TMEM11: variants seen among roughly 807,000 people sequenced by gnomAD.
The protein encoded by TMEM11 is transmembrane protein 11, mitochondrial.
TMEM11 carries 1 observed loss-of-function variant against 17.0 expected under a neutral mutation model. The ratio of observed to expected loss-of-function variants is 0.06; its 90% CI spans 0.02 to 0.28. TMEM11 has a LOEUF of 0.28. Among genes scored for constraint, TMEM11 ranks in the 10% least tolerant of loss-of-function variants. The pLI is 1.00. For synonymous variants in TMEM11, 122 were observed against 118.1 expected, an observed-to-expected ratio of 1.03 and a Z score of -0.21; for missense variants, 172 against 252.9, an observed-to-expected ratio of 0.68 and a Z score of 2.17.
At chr17:21,199,126 C>T (rs547799016) in intron 1 of TMEM11, among the ~76,000 whole-genome samples, 74 of 149,900 alleles carry the variant, frequency 4.9e-4, no homozygotes, top group African/African-American at 1.6e-3. Flanking sequence ...AGAGACCAGC[C>T]TGGCCAACAT....
chr17:21,209,752 G>C (rs1226289775), intron 1 of TMEM11, among the ~76,000 whole-genome samples: 1 of 152,184 alleles, frequency 6.6e-6, no homozygotes, highest in Non-Finnish European at 1.5e-5. Flanking sequence ...CTGGGTGACA[G>C]AGCCAGACCT....
intron 1 of TMEM11, among the ~76,000 whole-genome samples, chr17:21,205,173 G>A (rs548009196): frequency 6.6e-6 from 1 of 152,288 alleles, no homozygotes; most frequent in East Asian, 1.9e-4. Flanking sequence ...TGGGCAGCCT[G>A]TGCCTGTCCC....
chr17:21,203,089 A>C (rs1236426512), intron 1 of TMEM11, among the ~76,000 whole-genome samples: 1 of 152,260 alleles, frequency 6.6e-6, no homozygotes, highest in Non-Finnish European at 1.5e-5. Flanking sequence ...CTGCTTTTAA[A>C]GCCAGTTAGG....
Position 21,198,336 on chromosome 17 carries a change from G to C in TMEM11, c.567C>G (p.Leu189=), listed in dbSNP as rs2144284185. 6.2e-7 allele frequency: 1 copy of C among 1,611,940 alleles called. No individual in the cohort carries two copies. The highest frequency in any genetic ancestry group is 8.5e-7 in the Non-Finnish European group (1 of 1,178,166). The part of the protein sequence containing the change: ...LVYCVKKIYE[L]YAV ...TGTTCTACTGAAATCATACGGCATA[G>C]AGTTCGTAAATCTTCTTTACACAGT... The change falls in exon 2 of 2, where the codon CTC becomes CTG. Residue 189 remains leucine, a synonymous_variant. Transcript: ENST00000317635. The surrounding 1 kb of genome is among the most constrained non-coding windows in gnomAD (Gnocchi z 6.5).
intron 1 of TMEM11, among the ~76,000 whole-genome samples, chr17:21,199,656 G>A: frequency 6.6e-6 from 1 of 152,210 alleles, no homozygotes; most frequent in East Asian, 1.9e-4. Flanking sequence ...GCAGAACAGA[G>A]GCAGAAAGGA....
chr17:21,211,390 G>A (rs928895503), intron 1 of TMEM11, among the ~76,000 whole-genome samples: 56 of 152,184 alleles, frequency 3.7e-4, no homozygotes, highest in African/African-American at 1.2e-3. Flanking sequence ...GCCACAGGCC[G>A]GAAGTGGCTA....
intron 1 of TMEM11, among the ~76,000 whole-genome samples, chr17:21,201,359 C>G (rs963826053): frequency 1.3e-5 from 2 of 152,214 alleles, no homozygotes; most frequent in African/African-American, 4.8e-5. Context: ...CCTAATTAAA[C>G]GGCATGCACT....
At chr17:21,211,384 C>T (rs1445656793) in intron 1 of TMEM11, among the ~76,000 whole-genome samples, 1 of 152,228 alleles carries the variant, frequency 6.6e-6, no homozygotes, top group Non-Finnish European at 1.5e-5. Context: ...ATGGTAGCCA[C>T]AGGCCGGAAG....
Sources: gnomAD v4.1 joint callset for allele counts (sites outside exome capture counted in the v4.1 genomes callset) on GRCh38, gnomAD v4.1.1 for gene constraint, Gnocchi (gnomAD v3.1) non-coding constraint, MANE v1.5 for transcripts, NCBI Gene and HGNC (gene_info 2026-07-23, HGNC 2026-07-21) for gene names.